Variants in MINDY2 observed in about 807,000 individuals in gnomAD.
MINDY2 encodes MINDY lysine 48 deubiquitinase 2, also known as ubiquitin carboxyl-terminal hydrolase MINDY-2.
Under a neutral mutation model 68.2 loss-of-function variants are expected in MINDY2, and 52 were observed. The observed-to-expected ratio is 0.76, with a 90% CI of 0.61 to 0.96. The LOEUF (loss-of-function observed/expected upper bound fraction) is 0.96. MINDY2 is among the 40% of genes least tolerant of loss of function. MINDY2 has a pLI of 0.00. For missense variants in MINDY2, 881 were observed against 773.4 expected (o/e 1.14, Z -1.65); for synonymous variants, 372 against 303.0 (o/e 1.23, Z -2.36).
chr15:58,782,325 A>T (rs184877198), intron 1 of MINDY2, among the ~76,000 whole-genome samples: 2 of 152,282 alleles, frequency 1.3e-5, no homozygotes, highest in African/African-American at 4.8e-5. Flanking sequence ...AATTTTGACT[A>T]TTATTTAGTG....
intron 2 of MINDY2, among the ~76,000 whole-genome samples, chr15:58,792,462 C>T (rs554445975): frequency 9.3e-4 from 142 of 152,184 alleles, no homozygotes; most frequent in African/African-American, 3.2e-3. Context: ...AAAAATTAGC[C>T]GGGCGTGGTG....
intron 7 of MINDY2, among the ~76,000 whole-genome samples, chr15:58,851,543 ATCC>A (rs1353172337): frequency 1.3e-5 from 2 of 151,846 alleles, no homozygotes; most frequent in African/African-American, 2.4e-5. Context: ...GGCTGAAGCA[ATCC>A]TCCTGCCTCA....
intron 5 of MINDY2, among the ~76,000 whole-genome samples, chr15:58,826,379 G>T (rs1029929853): frequency 6.6e-6 from 1 of 151,828 alleles, no homozygotes; most frequent in South Asian, 2.1e-4. Flanking sequence ...ACAGGCATGC[G>T]CCACCACACC....
intron 1 of MINDY2, among the ~76,000 whole-genome samples, chr15:58,777,363 A>G (rs1463467414): frequency 6.6e-6 from 1 of 152,226 alleles, no homozygotes; most frequent in Non-Finnish European, 1.5e-5. Flanking sequence ...ATTTGAGCAA[A>G]GGAGTAAGTG....
At chr15:58,834,223 C>T (rs2031885276) in intron 6 of MINDY2, among the ~76,000 whole-genome samples, 2 of 152,122 alleles carry the variant, frequency 1.3e-5, no homozygotes, top group South Asian at 4.1e-4. Flanking sequence ...TAATACAGAA[C>T]AAAATGGGAG....
At chr15:58,847,497 T>C (rs2032595822) in intron 7 of MINDY2, 27 bp downstream of exon 7, 2 of 1,481,060 alleles carry the variant, frequency 1.4e-6, no homozygotes, top group Non-Finnish European at 1.8e-6. Context: ...GTCTTTATAG[T>C]GGTTAAAATG....
At chr15:58,789,071 C>T (rs988927410) in intron 2 of MINDY2, among the ~76,000 whole-genome samples, 5 of 152,104 alleles carry the variant, frequency 3.3e-5, no homozygotes, top group African/African-American at 1.2e-4. Flanking sequence ...GGCACGGTGG[C>T]TCACGCCTGT....
intron 4 of MINDY2, among the ~76,000 whole-genome samples, chr15:58,816,069 G>A (rs1378028426): frequency 1.3e-5 from 2 of 152,228 alleles, no homozygotes; most frequent in African/African-American, 4.8e-5. Flanking sequence ...ATTTAGAACA[G>A]TGCCTGGCAC....
At chr15:58,821,329 TAAAA>T (rs1225952047) in intron 4 of MINDY2, among the ~76,000 whole-genome samples, 2 of 141,074 alleles carry the variant, frequency 1.4e-5, no homozygotes, top group African/African-American at 2.6e-5. Flanking sequence ...GTTTTTTAGT[TAAAA>T]AAAAAAAAAA....
At position 58,821,385 on chromosome 15, in the gene MINDY2, A is replaced by AT. The variant is rs575532725; in HGVS notation, c.1123-326dup. ...GGGAGAAAAAAATGGATATTTTCTTATTTTTTCTTCTGGAATAGTTTATGT... is the reference window on the plus strand; with the variant it reads ...GGGAGAAAAAAATGGATATTTTCTTATTTTTTTCTTCTGGAATAGTTTATGT... On this transcript the variant is annotated intron_variant, in intron 4 of 8. Coordinates refer to ENST00000559228, the MANE Select transcript of MINDY2 (RefSeq NM_001040450.3). Among the ~76,000 whole-genome samples, 1,196 of 150,840 alleles carry AT rather than the reference A, an allele frequency of 7.9e-3. 22 individuals are homozygous for AT. Among genetic ancestry groups the AT allele is most frequent in the African/African-American group, 0.028 (1,144 of 41,290 alleles).
At chr15:58,801,139 A>G (rs1902622965) in intron 2 of MINDY2, among the ~76,000 whole-genome samples, 1 of 151,874 alleles carries the variant, frequency 6.6e-6, no homozygotes, top group Non-Finnish European at 1.5e-5. Context: ...ACGCCTGGCT[A>G]ATTTTTGTAT....
intron 6 of MINDY2, among the ~76,000 whole-genome samples, chr15:58,836,087 T>C (rs2031979745): frequency 6.6e-6 from 1 of 152,048 alleles, no homozygotes; most frequent in Admixed American, 6.6e-5. Context: ...TTTTTTTGTA[T>C]TTTTAGTAGA....
chr15:58,802,534 GTTTTC>G (rs1270635873), intron 3 of MINDY2, among the ~76,000 whole-genome samples, 157 bp downstream of exon 3: 3 of 151,860 alleles, frequency 2.0e-5, no homozygotes, highest in African/African-American at 4.8e-5. Context: ...CATATTCTTT[GTTTTC>G]TTTTTTTATG....
chr15:58,778,977 T>G (rs379879), intron 1 of MINDY2, among the ~76,000 whole-genome samples: 89,614 of 151,532 alleles, frequency 0.59, 29,668 homozygotes, highest in East Asian at 0.94. Context: ...GGCCAGGCTG[T>G]TCTTGAACTC....
rs1337972988 is a variant in MINDY2 at position 58,859,052 on chromosome 15, A to G, written c.*4442A>G. On this transcript the variant is annotated 3_prime_UTR_variant, in exon 9 of 9. Coordinates refer to ENST00000559228, the MANE Select transcript of MINDY2 (RefSeq NM_001040450.3). ...ACATCCTATGTTCTTGAATGTGCAC[A>G]CTTTTTTCTCAATAACAAAATATAT... 1 of 152,052 alleles carries G rather than the reference A, an allele frequency of 6.6e-6. No homozygotes were observed. Among genetic ancestry groups the G allele is most frequent in the Non-Finnish European group, 1.5e-5 (1 of 67,948 alleles). 9.4% of individuals were successfully genotyped at this position (152,052 alleles called of 1,614,324 possible).
chr15:58,787,140 C>CTTTTTTTTTTTTTT (rs58374538), intron 1 of MINDY2, among the ~76,000 whole-genome samples: 2 of 78,150 alleles, frequency 2.6e-5, no homozygotes, highest in African/African-American at 5.6e-5. Context: ...CATTTCTTTA[C>CTTTTTTTTTTTTTT]TTTTTTTTTT....
Position 58,787,140 on chromosome 15 carries a change from C to CTTTTTTTTTT in MINDY2, c.841-751_841-742dup, listed in dbSNP as rs58374538. Among the ~76,000 whole-genome samples, 18 of 78,136 alleles carry CTTTTTTTTTT rather than the reference C, an allele frequency of 2.3e-4. 1 individual carries two copies. Among genetic ancestry groups the CTTTTTTTTTT allele is most frequent in the South Asian group, 4.6e-4 (1 of 2,154 alleles). 51.3% of individuals were successfully genotyped at this position (78,136 alleles called of 152,430 possible). ...CCCATATGCCCAGCCCATTTCTTTACTTTTTTTTTTTTTTTTTTTTTTTTA... is the reference window on the plus strand; with the variant it reads ...CCCATATGCCCAGCCCATTTCTTTACTTTTTTTTTTTTTTTTTTTTTTTTTTTTTTTTTTA... On this transcript the variant is annotated intron_variant, in intron 1 of 8. Coordinates refer to ENST00000559228, the MANE Select transcript of MINDY2 (RefSeq NM_001040450.3).
In MINDY2 at chr15:58,858,952, A is replaced by AT. The variant is rs1329288751; in HGVS notation, c.*4344dup. On this transcript the variant is annotated 3_prime_UTR_variant, in exon 9 of 9. Transcript: ENST00000559228. Reference sequence around the variant, plus strand: ...AAATATGTGAAGGATGCTCTTTTTGATTAAGTGTTTTGCACTCCTGAATAA... The same window carrying AT: ...AAATATGTGAAGGATGCTCTTTTTGATTTAAGTGTTTTGCACTCCTGAATAA... The AT allele has an allele frequency of 1.3e-5, 2 of 152,112 alleles. No individual in the cohort carries two copies. The highest frequency in any genetic ancestry group is 4.8e-5 in the African/African-American group (2 of 41,444). The allele number at this position is 152,112 out of a possible 1,614,324, so 9.4% of individuals were successfully genotyped here. A position where few individuals can be genotyped will look rare whatever the true frequency, so the allele number is the denominator to read the frequency against.
intron 6 of MINDY2, among the ~76,000 whole-genome samples, chr15:58,839,788 A>G (rs1031879150): frequency 1.0e-4 from 15 of 149,884 alleles, no homozygotes; most frequent in African/African-American, 3.7e-4. Flanking sequence ...TCATGATTTC[A>G]TCTTTATCTA....
Sources: gnomAD v4.1 joint callset for allele counts (sites outside exome capture counted in the v4.1 genomes callset) on GRCh38, gnomAD v4.1.1 for gene constraint, MANE v1.5 for transcripts, NCBI Gene and HGNC (gene_info 2026-07-23, HGNC 2026-07-21) for gene names.